Variants in FANCA observed in about 807,000 individuals in gnomAD.
FANCA encodes Fanconi anemia group A protein.
Under a neutral mutation model 194.3 loss-of-function variants are expected in FANCA, and 236 were observed. That is an observed-to-expected ratio of 1.21 (90% CI 1.09 to 1.35). The LOEUF is 1.35. Among genes scored for constraint, FANCA ranks in the 40% most tolerant of loss-of-function variants. FANCA has a pLI of 0.00. For synonymous variants in FANCA, 1,014 were observed against 715.8 expected (o/e 1.42, Z -6.65); for missense variants, 2,628 against 1,813.9 (o/e 1.45, Z -8.15).
chr16:89,784,073 G>C (rs1251288044), intron 15 of FANCA, among the ~76,000 whole-genome samples: 1 of 152,012 alleles, frequency 6.6e-6, no homozygotes, highest in Non-Finnish European at 1.5e-5. Context: ...TTTCTTAAAA[G>C]ATGAGGGTCA....
At chr16:89,779,817 G>A (rs35338732) in intron 18 of FANCA, 52 bp downstream of exon 18, 54 of 1,467,356 alleles carry the variant, frequency 3.7e-5, no homozygotes, top group South Asian at 3.2e-4. Context: ...GCATCAGAGC[G>A]CGGTCTGCAC....
chr16:89,781,336 C>G (rs1207231999), intron 17 of FANCA, among the ~76,000 whole-genome samples: 1 of 134,480 alleles, frequency 7.4e-6, no homozygotes, highest in Non-Finnish European at 1.5e-5. Flanking sequence ...TGCACTCCAG[C>G]CTGGGCAATA....
At chr16:89,790,895 T>G (rs2040047945) in intron 14 of FANCA, 1 of 183,082 alleles carries the variant, frequency 5.5e-6, no homozygotes, top group Non-Finnish European at 1.2e-5. Flanking sequence ...AGTGGTGCAA[T>G]CACAGCTCAC....
rs774565293 is a variant in FANCA at position 89,771,695 on chromosome 16, C to T, written c.2134G>A (p.Glu712Lys). The T allele has an allele frequency of 1.9e-6, 3 of 1,614,160 alleles. No individual in the cohort carries two copies. The highest frequency in any genetic ancestry group is 1.7e-4 in the Middle Eastern group (1 of 6,060). ...IQLSINTPRL[E>K]PREHMAVDLL... ...ACACCTACCATGTGTTCCCGTGGCT[C>T]CAGTCTCGGCGTGTTGATGCTGAGC... is the stretch of plus-strand genomic sequence containing the variant. Residue 712 changes from glutamate (E) to lysine (K), a missense_variant, in exon 23 of 43, where the codon GAG (glutamate) becomes AAG (lysine). By Grantham distance (56) the Glu-to-Lys change is moderately conservative. Transcript: ENST00000389301.
chr16:89,758,764 A>G (rs576949587), intron 29 of FANCA, 59 bp from the exon 30 acceptor site: 2 of 1,604,038 alleles, frequency 1.2e-6, no homozygotes, highest in African/African-American at 1.3e-5. Context: ...GCGGTTCCCC[A>G]TAACCAGGGA....
At position 89,767,079 on chromosome 16, in the gene FANCA, C is replaced by T. The variant is rs17233148; in HGVS notation, c.2601+62G>A. On this transcript the variant is annotated intron_variant, in intron 27 of 42. Transcript: ENST00000389301. Reference sequence around the variant, plus strand: ...GGCAGCAGACCTCGGCCTTCCGGTCCGAAAGCTGCGTAAACCTGAAACGTA... The same window carrying T: ...GGCAGCAGACCTCGGCCTTCCGGTCTGAAAGCTGCGTAAACCTGAAACGTA... 4.6e-4 allele frequency: 628 copies of T among 1,366,298 alleles called. 4 individuals carry two copies. The Admixed American group carries it at 9.5e-3, about 21-fold the overall frequency. 84.6% of individuals were successfully genotyped at this position (1,366,298 alleles called of 1,614,324 possible).
Position 89,738,507 on chromosome 16 carries a change from T to C in FANCA, c.*94A>G, listed in dbSNP as rs2062024982. Reference sequence around the variant, plus strand: ...CCCCACTAAAGCAGTCGAGGAGATTTGTAATCCACTTTTTAGTGCAACAAG... The same window carrying C: ...CCCCACTAAAGCAGTCGAGGAGATTCGTAATCCACTTTTTAGTGCAACAAG... On this transcript the variant is annotated 3_prime_UTR_variant, in exon 43 of 43. Coordinates refer to ENST00000389301, the MANE Select transcript of FANCA (RefSeq NM_000135.4). 8 of 1,578,690 alleles carry C rather than the reference T, an allele frequency of 5.1e-6. No individual in the cohort carries two copies. The East Asian group carries it at 1.8e-4, about 35-fold the overall frequency.
At chr16:89,814,998 A>T (rs1037663541) in intron 2 of FANCA, among the ~76,000 whole-genome samples, 1 of 152,178 alleles carries the variant, frequency 6.6e-6, no homozygotes, top group Non-Finnish European at 1.5e-5. Flanking sequence ...TCTGTGCATA[A>T]ACACAACCTG....
intron 6 of FANCA, among the ~76,000 whole-genome samples, chr16:89,807,537 G>T (rs1348493085): frequency 6.6e-6 from 1 of 151,822 alleles, no homozygotes; most frequent in Non-Finnish European, 1.5e-5. Context: ...ATCACCTGAG[G>T]TTAGGAGTTT....
chr16:89,805,726 G>A (rs1163725288), intron 6 of FANCA, among the ~76,000 whole-genome samples: 1 of 151,934 alleles, frequency 6.6e-6, no homozygotes, highest in African/African-American at 2.4e-5. Flanking sequence ...GTGGCACTGT[G>A]CCCAGTCTCA....
At chr16:89,784,775 TG>T in intron 15 of FANCA, 78 bp downstream of exon 15, 1 of 1,085,960 alleles carries the variant, frequency 9.2e-7, no homozygotes, top group Non-Finnish European at 1.4e-6. Flanking sequence ...AGGAGGCTCT[TG>T]GGGAGGCCAA....
intron 29 of FANCA, among the ~76,000 whole-genome samples, chr16:89,759,318 T>TAAAAAAAAAAAAAAAAAAAAAAAAAAA (rs71137673): frequency 4.0e-5 from 3 of 75,206 alleles, no homozygotes; most frequent in South Asian, 4.5e-4. Flanking sequence ...AGACTCCGTC[T>TAAAAAAAAAAAAAAAAAAAAAAAAAAA]AAAAAAAAAA....
At chr16:89,806,245 T>C (rs2040637860) in intron 6 of FANCA, among the ~76,000 whole-genome samples, 3 of 152,116 alleles carry the variant, frequency 2.0e-5, no homozygotes, top group African/African-American at 4.8e-5. Flanking sequence ...TCCTGGGGAC[T>C]GTTCCATTTG....
intron 9 of FANCA, 77 bp downstream of exon 9, chr16:89,799,528 A>G (rs986989352): frequency 1.5e-6 from 2 of 1,370,790 alleles, no homozygotes; most frequent in Non-Finnish European, 2.1e-6. Context: ...CCTCAAATGG[A>G]AAGGCAGAAA....
chr16:89,755,991 C>T (rs993985131), intron 30 of FANCA, among the ~76,000 whole-genome samples: 3 of 152,128 alleles, frequency 2.0e-5, no homozygotes, highest in African/African-American at 7.2e-5. Flanking sequence ...GGCTATAAAC[C>T]GGCATAGCAT....
rs1598062831 is a variant in FANCA, at chr16:89,742,793, A to G, written c.3765+7T>C. On this transcript the variant is annotated splice_region_variant and intron_variant, in intron 37 of 42. Transcript: ENST00000389301. ...AAATAAATCAGTAAAAGAATTTCCT[A>G]TCTTGCCTCCTCTCTCTCGCAGTCC... 3 of 1,613,904 alleles carry G rather than the reference A, an allele frequency of 1.9e-6. No homozygotes were observed. The highest frequency in any genetic ancestry group is 1.1e-5 in the South Asian group (1 of 91,044).
At chr16:89,812,868 A>C (rs2040952633) in intron 3 of FANCA, among the ~76,000 whole-genome samples, 1 of 151,428 alleles carries the variant, frequency 6.6e-6, no homozygotes. Flanking sequence ...CCCCGCCTCT[A>C]CTAAAAATAC....
intron 30 of FANCA, among the ~76,000 whole-genome samples, chr16:89,754,162 C>T (rs1004659681): frequency 6.6e-6 from 1 of 151,252 alleles, no homozygotes; most frequent in African/African-American, 2.4e-5. Context: ...GCGAAGGTTT[C>T]GGTAAGCCGA....
chr16:89,798,117 A>C (rs2040310761), intron 10 of FANCA, among the ~76,000 whole-genome samples: 1 of 152,150 alleles, frequency 6.6e-6, no homozygotes, highest in Admixed American at 6.6e-5. Context: ...GGTGATGATG[A>C]GATGACTGCC....
Sources: allele counts gnomAD v4.1 joint callset (sites outside exome capture counted in the v4.1 genomes callset), GRCh38; gene constraint gnomAD v4.1.1; transcripts MANE v1.5; gene names NCBI Gene and HGNC (gene_info 2026-07-23, HGNC 2026-07-21).